Variants in IRX4 observed in about 807,000 individuals in gnomAD.
The protein encoded by IRX4 is iroquois-class homeodomain protein IRX-4.
A neutral mutation model predicts 32.0 loss-of-function variants in IRX4; 22 were observed. The ratio of observed to expected loss-of-function variants is 0.69; its 90% CI spans 0.49 to 0.98. The LOEUF (loss-of-function observed/expected upper bound fraction) is 0.98. IRX4 is among the 50% of genes least tolerant of loss of function. The probability of loss-of-function intolerance (pLI) is 0.00; values close to 1 mark genes in which losing one functional copy is unlikely to be tolerated. For missense variants in IRX4, 840 were observed against 744.2 expected (o/e 1.13, Z -1.50); for synonymous variants, 379 against 351.7 (o/e 1.08, Z -0.87).
Position 1,881,799 on chromosome 5 carries a change from C to T in IRX4, c.297+9G>A, listed in dbSNP as rs1183789509. On this transcript the variant is annotated intron_variant, in intron 2 of 4. Coordinates refer to ENST00000231357, the MANE Select transcript of IRX4 (RefSeq NM_016358.3). Reference sequence around the variant, plus strand: ...GGGGCAGGGCAAGGGCTAGGGATGCCCCACTTACCAGCGAGTAGAAGGCGG... The same window carrying T: ...GGGGCAGGGCAAGGGCTAGGGATGCTCCACTTACCAGCGAGTAGAAGGCGG... The T allele has an allele frequency of 6.4e-7, 1 of 1,568,618 alleles. No homozygotes were observed. The highest frequency in any genetic ancestry group is 1.4e-5 in the African/African-American group (1 of 73,556).
rs1400269449 is a variant in IRX4 at position 1,879,648 on chromosome 5, G to C, written c.592C>G (p.Arg198Gly). 1 of 1,614,142 alleles carries C rather than the reference G, an allele frequency of 6.2e-7. No individual in the cohort carries two copies. Among genetic ancestry groups the C allele is most frequent in the Non-Finnish European group, 8.5e-7 (1 of 1,180,022 alleles). Residue 198 changes from arginine to glycine, a missense_variant, in exon 4 of 5, where the codon CGG (arginine) becomes GGG (glycine). Arg to Gly is a moderately radical substitution (Grantham distance 125). Coordinates refer to ENST00000231357, the MANE Select transcript of IRX4 (RefSeq NM_016358.3). ...QVSTWFANAR[R>G]RLKKENKMTW... ...ATCTTGTTCTCCTTCTTGAGGCGCCGGCGCGCGTTGGCGAACCAGGTGGAG... is the reference window on the plus strand; with the variant it reads ...ATCTTGTTCTCCTTCTTGAGGCGCCCGCGCGCGTTGGCGAACCAGGTGGAG...
intron 3 of IRX4, among the ~76,000 whole-genome samples, chr5:1,880,472 T>C (rs1735387449): frequency 6.6e-6 from 1 of 152,086 alleles, no homozygotes; most frequent in South Asian, 2.1e-4. Flanking sequence ...CTGCCGCACA[T>C]TTAGGACTTC....
intron 4 of IRX4, among the ~76,000 whole-genome samples, chr5:1,879,280 C>T (rs1347983229): frequency 6.6e-6 from 1 of 152,208 alleles, no homozygotes; most frequent in East Asian, 1.9e-4. Context: ...CGTGAGCCAC[C>T]GCGCCCGGCC....
Position 1,879,806 on chromosome 5 carries a change from C to T in IRX4, c.434G>A (p.Arg145Gln), listed in dbSNP as rs376553058. ...DRYGTMDSGT[R>Q]RKNATRETTS... ...GGTCTCGCGCGTGGCGTTCTTGCGC[C>T]GCGTGCCGCTGTCCATGGTTCCATA... The change falls in exon 4 of 5, where the codon CGG becomes CAG. Residue 145 changes from arginine to glutamine, a missense_variant. By Grantham distance (43) the Arg-to-Gln change is conservative. Transcript: ENST00000231357. 4 of 1,613,902 alleles carry T rather than the reference C, an allele frequency of 2.5e-6. No homozygotes were observed. The highest frequency in any genetic ancestry group is 2.7e-5 in the African/African-American group (2 of 74,930).
upstream of IRX4, chr5:1,887,079 C>G (rs938755479): frequency 6.6e-6 from 1 of 151,480 alleles, no homozygotes; most frequent in South Asian, 2.1e-4. Flanking sequence ...GGCGCTGGGC[C>G]GCTCCCGGCA....
In IRX4 at chr5:1,878,487, C is replaced by T; in HGVS notation, c.1042G>A (p.Glu348Lys). Residue 348 changes from glutamate to lysine, a missense_variant, in exon 5 of 5, where the codon GAG (glutamate) becomes AAG (lysine). By Grantham distance (56) the Glu-to-Lys change is moderately conservative. Transcript: ENST00000231357. ...GCCGGCACAAACCCCAGCTTGGCCT[C>T]GCAGACCTGAGGGCCGCCCTCTGCG... The part of the protein sequence containing the change: ...PGAEGGPQVC[E>K]AKLGFVPAGA... The T allele has an allele frequency of 1.4e-6, 2 of 1,443,074 alleles. No homozygotes were observed. The highest frequency in any genetic ancestry group is 1.5e-5 in the African/African-American group (1 of 67,858). The allele number at this position is 1,443,074 out of a possible 1,614,324, so 89.4% of individuals were successfully genotyped here. A position where few individuals can be genotyped will look rare whatever the true frequency, so the allele number is the denominator to read the frequency against.
intron 2 of IRX4, 77 bp downstream of exon 2, chr5:1,881,731 C>A (rs1325284823): frequency 1.3e-6 from 2 of 1,524,596 alleles, no homozygotes; most frequent in Non-Finnish European, 1.8e-6. Context: ...CCCGGACTGG[C>A]GCGCCTACTG....
chr5:1,878,051 A>G lies in IRX4; in HGVS notation c.1478T>C (p.Val493Ala), dbSNP rs752976915. Residue 493 changes from valine to alanine, a missense_variant, in exon 5 of 5, where the codon GTG becomes GCG. Physicochemically the swap from Val to Ala is moderately conservative, Grantham distance 64 (BLOSUM62 0). Coordinates refer to ENST00000231357, the MANE Select transcript of IRX4 (RefSeq NM_016358.3). ...APLARAFPPA[V>A]PQDAPAAGAA... ...GCCTGCAGCTGGGGCGTCCTGGGGC[A>G]CGGCAGGCGGAAAGGCGCGGGCCAG... 11 of 1,512,192 alleles carry G rather than the reference A, an allele frequency of 7.3e-6. No homozygotes were observed. Among genetic ancestry groups the G allele is most frequent in the East Asian group, 5.0e-5 (2 of 39,682 alleles). 93.7% of individuals were successfully genotyped at this position (1,512,192 alleles called of 1,614,324 possible).
upstream of IRX4, among the ~76,000 whole-genome samples, chr5:1,885,668 C>T (rs894080500): frequency 2.0e-5 from 3 of 152,220 alleles, no homozygotes; most frequent in Admixed American, 6.5e-5. Context: ...GATTGGCGAC[C>T]ACCGGGACAT....
In IRX4 at chr5:1,878,324, GCCGCGGGAC is replaced by G; in HGVS notation, c.1196_1204del (p.Gly399_Ala401del). The G allele has an allele frequency of 6.4e-7, 1 of 1,560,968 alleles. No homozygotes were observed. Among genetic ancestry groups the G allele is most frequent in the Non-Finnish European group, 8.7e-7 (1 of 1,154,020 alleles). On this transcript the variant is annotated inframe_deletion, in exon 5 of 5. Coordinates refer to ENST00000231357, the MANE Select transcript of IRX4 (RefSeq NM_016358.3). ...GGGCGCGGAGGACACAGCCGCAGGG[GCCGCGGGAC>G]CTTGGCGCTTGAGCATGCACGACGG...
Position 1,881,918 on chromosome 5 carries a change from C to A in IRX4, c.187G>T (p.Glu63Ter). Residue 63 changes from glutamate (E) to a stop codon, truncating the protein, a stop_gained, in exon 2 of 5, where the codon GAG (glutamate) becomes TAG (stop). Coordinates refer to ENST00000231357, the MANE Select transcript of IRX4 (RefSeq NM_016358.3). LOFTEE classifies it high-confidence loss of function. ...ESRLLATARHELNSAAALGVY... is the reference protein window; with the variant it reads ...ESRLLATARH ...CCCAGCGCCGCGGCCGAGTTGAGCTCGTGGCGCGCGGTGGCCAGCAGCCGG... is the reference window on the plus strand; with the variant it reads ...CCCAGCGCCGCGGCCGAGTTGAGCTAGTGGCGCGCGGTGGCCAGCAGCCGG... 1.3e-6 allele frequency: 2 copies of A among 1,581,422 alleles called. No homozygotes were observed. Among genetic ancestry groups the A allele is most frequent in the East Asian group, 2.4e-5 (1 of 42,504 alleles).
Position 1,877,905 on chromosome 5 carries a change from G to A in IRX4, c.*64C>T. The A allele has an allele frequency of 7.1e-7, 1 of 1,400,386 alleles. No individual in the cohort carries two copies. Among genetic ancestry groups the A allele is most frequent in the Non-Finnish European group, 9.6e-7 (1 of 1,041,316 alleles). The allele number at this position is 1,400,386 out of a possible 1,614,324, so 86.7% of individuals were successfully genotyped here. On this transcript the variant is annotated 3_prime_UTR_variant, in exon 5 of 5. Coordinates refer to ENST00000231357, the MANE Select transcript of IRX4 (RefSeq NM_016358.3). Reference sequence around the variant, plus strand: ...GCGCTAGTCTTCCTCTGGAAACTCAGTGAAAAGAGTCGGCGCCGTCCGCCT... The same window carrying A: ...GCGCTAGTCTTCCTCTGGAAACTCAATGAAAAGAGTCGGCGCCGTCCGCCT...
At chr5:1,881,773 AG>A in intron 2 of IRX4, 34 bp downstream of exon 2, 1 of 1,561,926 alleles carries the variant, frequency 6.4e-7, no homozygotes, top group Admixed American at 1.9e-5. Flanking sequence ...ATCGAGGGCC[AG>A]GGGCAGGGCA....
chr5:1,881,991 C>G lies in IRX4; in HGVS notation c.114G>C (p.Gly38=). ...CCGGCGCCTGGGCCGAGGCGGCGGG[C>G]CCGGAGTCCGCCAGCGTGCGGCCTC... ...ESGGRTLADS[G]PAASAQAPVY... Residue 38 remains glycine, a synonymous_variant, in exon 2 of 5, where the codon GGG becomes GGC. Coordinates refer to ENST00000231357, the MANE Select transcript of IRX4 (RefSeq NM_016358.3). The G allele has an allele frequency of 6.5e-7, 1 of 1,549,494 alleles. No homozygotes were observed. The highest frequency in any genetic ancestry group is 8.7e-7 in the Non-Finnish European group (1 of 1,147,036).
upstream of IRX4, among the ~76,000 whole-genome samples, chr5:1,883,368 GCGCGCTCTGCTC>G (rs1735522507): frequency 6.6e-6 from 1 of 152,216 alleles, no homozygotes; most frequent in Non-Finnish European, 1.5e-5. Flanking sequence ...CCTCGCGCTG[GCGCGCTCTGCTC>G]CGAGTGGCAG....
chr5:1,881,393 A>G (rs1735432221), intron 2 of IRX4, among the ~76,000 whole-genome samples: 1 of 143,048 alleles, frequency 7.0e-6, no homozygotes, highest in Non-Finnish European at 1.5e-5. Context: ...GGGGAGAGGG[A>G]GGAAGAGGGA....
upstream of IRX4, among the ~76,000 whole-genome samples, chr5:1,885,254 G>A (rs907130551): frequency 1.3e-5 from 2 of 152,170 alleles, no homozygotes; most frequent in Non-Finnish European, 1.5e-5. Context: ...CAGAACAGGC[G>A]GCCATTCATC....
At position 1,881,955 on chromosome 5, in the gene IRX4, C is replaced by T. The variant is rs761215341; in HGVS notation, c.150G>A (p.Pro50=). 3 of 1,564,042 alleles carry T rather than the reference C, an allele frequency of 1.9e-6. No homozygotes were observed. The highest frequency in any genetic ancestry group is 1.2e-5 in the South Asian group (1 of 85,112). ...TGGCCAGCAGCCGGCTCTCGTAGAC[C>T]GGGCAGTAGACCGGCGCCTGGGCCG... The part of the protein sequence containing the change: ...AASAQAPVYC[P]VYESRLLATA... Residue 50 remains proline (P), a synonymous_variant, in exon 2 of 5, where the codon CCG becomes CCA. Transcript: ENST00000231357.
At position 1,881,939 on chromosome 5, in the gene IRX4, G is replaced by C; in HGVS notation, c.166C>G (p.Leu56Val). ...AGCTCGTGGCGCGCGGTGGCCAGCA[G>C]CCGGCTCTCGTAGACCGGGCAGTAG... Reference protein sequence around the residue: ...PVYCPVYESRLLATARHELNS... With the variant: ...PVYCPVYESRVLATARHELNS... Residue 56 changes from leucine (L) to valine (V), a missense_variant, in exon 2 of 5, where the codon CTG (leucine) becomes GTG (valine). Leu to Val is a conservative substitution (Grantham distance 32). Around this residue, in one of 3 missense-constraint regions of IRX4, gnomAD observed 241 missense variants for 220.8 expected, o/e 1.09. Coordinates refer to ENST00000231357, the MANE Select transcript of IRX4 (RefSeq NM_016358.3). The C allele has an allele frequency of 6.4e-7, 1 of 1,572,426 alleles. No individual in the cohort carries two copies. The highest frequency in any genetic ancestry group is 1.2e-5 in the South Asian group (1 of 85,768).
Sources: gnomAD v4.1 joint callset for allele counts (sites outside exome capture counted in the v4.1 genomes callset) on GRCh38, gnomAD v4.1.1 for gene constraint, gnomAD v4.1.1 regional missense constraint, MANE v1.5 for transcripts, NCBI Gene and HGNC (gene_info 2026-07-23, HGNC 2026-07-21) for gene names.